Variants in MAP4K5 observed in about 807,000 individuals in gnomAD.
The protein encoded by MAP4K5 is mitogen-activated protein kinase kinase kinase kinase 5.
Under a neutral mutation model 135.6 loss-of-function variants are expected in MAP4K5, and 82 were observed. That is an observed-to-expected ratio of 0.60 (90% CI 0.51 to 0.73). The LOEUF (loss-of-function observed/expected upper bound fraction) is 0.73. Among genes scored for constraint, MAP4K5 ranks in the 30% least tolerant of loss-of-function variants. The pLI is 0.00. For missense variants in MAP4K5, 907 were observed against 1,010.9 expected, an observed-to-expected ratio of 0.90 and a Z score of 1.39; for synonymous variants, 347 against 335.0, an observed-to-expected ratio of 1.04 and a Z score of -0.39.
At chr14:50,522,454 G>C (rs1392038819) in intron 2 of MAP4K5, among the ~76,000 whole-genome samples, 3 of 151,994 alleles carry the variant, frequency 2.0e-5, no homozygotes, top group African/African-American at 7.3e-5. Context: ...GCCTACCTCT[G>C]AACAGTAAGA....
chr14:50,541,848 A>C (rs2038564893), intron 2 of MAP4K5, among the ~76,000 whole-genome samples: 2 of 151,746 alleles, frequency 1.3e-5, no homozygotes, highest in African/African-American at 2.4e-5. Flanking sequence ...CTCTCTAAAA[A>C]TACAAAAAAT....
At chr14:50,465,884 T>C (rs1272445966) in intron 11 of MAP4K5, among the ~76,000 whole-genome samples, 1 of 152,130 alleles carries the variant, frequency 6.6e-6, no homozygotes, top group Admixed American at 6.6e-5. Context: ...GAGACCATCC[T>C]GGCCAACATG....
At position 50,462,742 on chromosome 14, in the gene MAP4K5, C is replaced by T; in HGVS notation, c.859G>A (p.Ala287Thr). 1 of 1,607,808 alleles carries T rather than the reference C, an allele frequency of 6.2e-7. No individual in the cohort carries two copies. Among genetic ancestry groups the T allele is most frequent in the Non-Finnish European group, 8.5e-7 (1 of 1,178,200 alleles). Reference sequence around the variant, plus strand: ...TTCACTTTGTCTAACAGTTCAACTGCTAGGGCTCTAGAGAGACCTGGCTGT... The same window carrying T: ...TTCACTTTGTCTAACAGTTCAACTGTTAGGGCTCTAGAGAGACCTGGCTGT... Reference protein sequence around the residue: ...VAQPGLSRALAVELLDKVNNP... With the variant: ...VAQPGLSRALTVELLDKVNNP... Residue 287 changes from alanine (A) to threonine (T), a missense_variant, in exon 13 of 33, where the codon GCA becomes ACA. Physicochemically the swap from Ala to Thr is moderately conservative, Grantham distance 58 (BLOSUM62 0). Around this residue, in one of 3 missense-constraint regions of MAP4K5, gnomAD observed 690 missense variants for 777.4 expected, o/e 0.89. Coordinates refer to ENST00000682126, the MANE Select transcript of MAP4K5 (RefSeq NM_006575.6).
intron 1 of MAP4K5, among the ~76,000 whole-genome samples, chr14:50,547,351 C>T (rs1566708036): frequency 3.9e-5 from 6 of 152,088 alleles, no homozygotes; most frequent in Admixed American, 3.9e-4. Context: ...TAATAGAGGG[C>T]ATTGGTTGTA....
intron 3 of MAP4K5, among the ~76,000 whole-genome samples, chr14:50,498,571 ACCT>A (rs2037642614): frequency 6.6e-6 from 1 of 152,214 alleles, no homozygotes; most frequent in South Asian, 2.1e-4. Flanking sequence ...TATTAGGAAG[ACCT>A]TCAAAAGCAA....
chr14:50,529,370 G>A (rs963185338), intron 2 of MAP4K5, among the ~76,000 whole-genome samples: 1 of 152,152 alleles, frequency 6.6e-6, no homozygotes, highest in South Asian at 2.1e-4. Context: ...CTGGGGGACA[G>A]AGCGACATCC....
intron 26 of MAP4K5, 126 bp downstream of exon 26, chr14:50,437,350 A>G (rs2036117978): frequency 1.4e-6 from 1 of 707,872 alleles, no homozygotes; most frequent in Non-Finnish European, 2.4e-6. Context: ...TGGCAGCTTA[A>G]CTTCTTACTA....
chr14:50,489,863 G>C (rs1159625161), intron 3 of MAP4K5, among the ~76,000 whole-genome samples: 3 of 152,180 alleles, frequency 2.0e-5, no homozygotes, highest in Non-Finnish European at 4.4e-5. Context: ...AATGACTATG[G>C]CTAAGATTCC....
In MAP4K5 at chr14:50,560,309, A is replaced by G. The variant is rs2140173150; in HGVS notation, c.-180+731T>C. ...GACAGAAACAGTTGGGGTGAGTAGC[A>G]AATGAGAACTTCTGCAGCCTGCACG... On this transcript the variant is annotated intron_variant, in intron 1 of 8. Coordinates refer to the MAP4K5 transcript ENST00000555216. 6.2e-7 allele frequency: 1 copy of G among 1,613,802 alleles called. No homozygotes were observed. The highest frequency in any genetic ancestry group is 8.5e-7 in the Non-Finnish European group (1 of 1,179,822).
At chr14:50,545,008 G>GT (rs1038992021) in intron 1 of MAP4K5, among the ~76,000 whole-genome samples, 67 of 151,662 alleles carry the variant, frequency 4.4e-4, no homozygotes, top group Middle Eastern at 3.4e-3. Context: ...TTACTGAAGG[G>GT]TGTGTGTCCA....
In MAP4K5 at chr14:50,476,153, C is replaced by G; in HGVS notation, c.444G>C (p.Leu148Phe). The G allele has an allele frequency of 1.3e-6, 2 of 1,507,590 alleles. No homozygotes were observed. The highest frequency in any genetic ancestry group is 1.8e-6 in the Non-Finnish European group (2 of 1,122,066). The allele number at this position is 1,507,590 out of a possible 1,614,324, so 93.4% of individuals were successfully genotyped here. ...HRDIKGANIL[L>F]TDHGDVKLAD... ...CTAATTTTACATCGCCATGGTCTGT[C>G]AATAAAATATTAGCACCCTAGAACA... Residue 148 changes from leucine to phenylalanine, a missense_variant, in exon 8 of 33, where the codon TTG (leucine) becomes TTC (phenylalanine). Physicochemically the swap from Leu to Phe is conservative, Grantham distance 22. Transcript: ENST00000682126.
At chr14:50,555,593 A>G (rs1328911105) in intron 1 of MAP4K5, among the ~76,000 whole-genome samples, 3 of 152,148 alleles carry the variant, frequency 2.0e-5, no homozygotes, top group African/African-American at 7.2e-5. Context: ...CAGTTCCTTC[A>G]TATTTTGAAG....
At chr14:50,435,112 T>C in intron 26 of MAP4K5, 47 bp from the exon 27 acceptor site, 3 of 931,320 alleles carry the variant, frequency 3.2e-6, no homozygotes, top group Non-Finnish European at 5.1e-6. Context: ...CTCAAAATAC[T>C]GAATACTTTC....
At position 50,531,943 on chromosome 14, in the gene MAP4K5, T is replaced by C. The variant is rs1219905443; in HGVS notation, c.107A>G (p.Lys36Arg). 6.3e-7 allele frequency: 1 copy of C among 1,592,244 alleles called. No homozygotes were observed. The highest frequency in any genetic ancestry group is 1.1e-5 in the South Asian group (1 of 87,692). ...VGSGTYGDVYKARNVHTGELA... is the reference protein window; with the variant it reads ...VGSGTYGDVYRARNVHTGELA... ...AAAAGCACGGCCAGCCTCACTTACCTTATAGACGTCCCCGTAGGTGCCGCT... is the reference window on the plus strand; with the variant it reads ...AAAAGCACGGCCAGCCTCACTTACCCTATAGACGTCCCCGTAGGTGCCGCT... The change falls in exon 2 of 33, where the codon AAG becomes AGG. Residue 36 changes from lysine to arginine, a missense_variant and splice_region_variant. By Grantham distance (26) the Lys-to-Arg change is conservative. Around this residue, in one of 3 missense-constraint regions of MAP4K5, gnomAD observed 196 missense variants for 189.3 expected, o/e 1.04. Transcript: ENST00000682126.
intron 12 of MAP4K5, among the ~76,000 whole-genome samples, chr14:50,463,172 T>C (rs1253890133): frequency 6.6e-6 from 1 of 152,206 alleles, no homozygotes; most frequent in African/African-American, 2.4e-5. Context: ...TCTGCATACA[T>C]TTAATTCTGT....
chr14:50,495,710 T>G (rs2037577388), intron 3 of MAP4K5, among the ~76,000 whole-genome samples: 1 of 152,178 alleles, frequency 6.6e-6, no homozygotes. Flanking sequence ...CTGTAGTATA[T>G]GAAAACCATG....
chr14:50,533,460 C>T (rs745836661), upstream of MAP4K5: 1 of 152,126 alleles, frequency 6.6e-6, no homozygotes, highest in Non-Finnish European at 1.5e-5. Context: ...TCTTAAAATA[C>T]TTAACAATGC....
At chr14:50,540,454 G>A (rs533708602) in intron 2 of MAP4K5, among the ~76,000 whole-genome samples, 2 of 152,276 alleles carry the variant, frequency 1.3e-5, no homozygotes, top group South Asian at 2.1e-4. Context: ...ATGTCTTTGA[G>A]GGAGAGTCCC....
intron 21 of MAP4K5, among the ~76,000 whole-genome samples, chr14:50,441,388 A>T (rs889888265): frequency 3.3e-5 from 5 of 152,140 alleles, no homozygotes; most frequent in Non-Finnish European, 7.4e-5. Context: ...TCCTGATATG[A>T]TGTACTGAGA....
Sources: allele counts gnomAD v4.1 joint callset (sites outside exome capture counted in the v4.1 genomes callset), GRCh38; gene constraint gnomAD v4.1.1; regional missense constraint gnomAD v4.1.1; transcripts MANE v1.5; gene names NCBI Gene and HGNC (gene_info 2026-07-23, HGNC 2026-07-21).